The following RARB variants were observed in gnomAD, a reference collection of about 807,000 sequenced individuals.
RARB encodes the protein HBV-activated protein.
In RARB, 17 loss-of-function variants were observed where a neutral mutation model predicts 51.9. The ratio of observed to expected loss-of-function variants is 0.33; its 90% confidence interval spans 0.22 to 0.49. The LOEUF is 0.49. Among genes scored for constraint, RARB ranks in the 20% least tolerant of loss-of-function variants. The pLI is 0.99. For synonymous variants in RARB, 215 were observed against 195.4 expected (o/e 1.10, Z -0.84); for missense variants, 369 against 550.8 (o/e 0.67, Z 3.30).
chr3:25,471,511 C>CT (rs535985916), intron 2 of RARB, among the ~76,000 whole-genome samples: 5,681 of 123,980 alleles, frequency 0.046, 128 homozygotes, highest in Middle Eastern at 0.066. Flanking sequence ...AAAAATCTGT[C>CT]TTTTTTTTTT....
chr3:24,962,195 C>A (rs1464491033), intron 2 of RARB, among the ~76,000 whole-genome samples: 4 of 152,050 alleles, frequency 2.6e-5, no homozygotes. Context: ...TCCTAAATTG[C>A]TGGGATTACA....
chr3:25,481,854 G>C (rs1047214256), intron 2 of RARB, among the ~76,000 whole-genome samples: 3 of 152,068 alleles, frequency 2.0e-5, no homozygotes, highest in Admixed American at 6.5e-5. Flanking sequence ...AATATTTTTT[G>C]ACTGCTTATG....
At chr3:25,054,696 G>A (rs1243736092) in intron 2 of RARB, among the ~76,000 whole-genome samples, 1 of 152,030 alleles carries the variant, frequency 6.6e-6, no homozygotes, top group Non-Finnish European at 1.5e-5. Flanking sequence ...AAAAGAGCTG[G>A]AAAATGGAGC....
chr3:25,277,221 C>T lies in RARB; in HGVS notation c.178+102646C>T, dbSNP rs375472142. 5.9e-5 allele frequency among the ~76,000 whole-genome samples: 9 copies of T among 152,196 alleles called. No homozygotes were observed. The East Asian group carries it at 1.4e-3, about 23-fold the overall frequency. On this transcript the variant is annotated intron_variant, in intron 5 of 11. Coordinates refer to the RARB transcript ENST00000383772. ...AGGTGTCAAATAATTGGTAGATTTG[C>T]GTTGTGGAGGCCAATATAGGGGGAG...
chr3:25,210,123 A>G (rs1328376432), intron 5 of RARB, among the ~76,000 whole-genome samples: 4 of 152,142 alleles, frequency 2.6e-5, no homozygotes, highest in African/African-American at 7.2e-5. Flanking sequence ...CAGATTATCA[A>G]TTTAAGACAG....
chr3:25,430,584 G>A (rs1328731558), intron 1 of RARB, among the ~76,000 whole-genome samples: 6 of 152,154 alleles, frequency 3.9e-5, no homozygotes, highest in East Asian at 3.8e-4. Context: ...AGAGTAGGGG[G>A]AAAAGCTTTG....
At chr3:25,062,704 G>A (rs1021062219) in intron 3 of RARB, among the ~76,000 whole-genome samples, 5 of 151,884 alleles carry the variant, frequency 3.3e-5, no homozygotes, top group African/African-American at 7.2e-5. Context: ...AGAAATGTCC[G>A]GAATGTGCAA....
chr3:25,134,645 C>A (rs1351585121), intron 4 of RARB, among the ~76,000 whole-genome samples: 1 of 151,928 alleles, frequency 6.6e-6, no homozygotes, highest in Non-Finnish European at 1.5e-5. Flanking sequence ...AAACTTGATT[C>A]TCCATTCTTC....
At chr3:25,299,162 T>G (rs1251978068) in intron 5 of RARB, among the ~76,000 whole-genome samples, 2 of 152,168 alleles carry the variant, frequency 1.3e-5, no homozygotes, top group Non-Finnish European at 2.9e-5. Context: ...TAGTGAGTAT[T>G]TACTGGAGAA....
At chr3:25,334,448 A>T (rs938198633) in intron 5 of RARB, among the ~76,000 whole-genome samples, 1 of 152,178 alleles carries the variant, frequency 6.6e-6, no homozygotes, top group Admixed American at 6.5e-5. Context: ...CAAACACCGC[A>T]TGTTCTCACT....
At chr3:25,116,667 T>C (rs1370481156) in intron 3 of RARB, among the ~76,000 whole-genome samples, 4 of 152,014 alleles carry the variant, frequency 2.6e-5, no homozygotes, top group South Asian at 2.1e-4. Context: ...GAAGCTACCA[T>C]TGACTTTGGT....
rs532792672 is a variant in RARB at position 25,273,495 on chromosome 3, T to C, written c.178+98920T>C. On this transcript the variant is annotated intron_variant, in intron 5 of 11. Coordinates refer to the RARB transcript ENST00000383772. Reference sequence around the variant, plus strand: ...TGGCTTTCTTAGAGGCTGCCTAATATGTCTCCAAATGGGCCCATACTTCAA... The same window carrying C: ...TGGCTTTCTTAGAGGCTGCCTAATACGTCTCCAAATGGGCCCATACTTCAA... 2.6e-5 allele frequency among the ~76,000 whole-genome samples: 4 copies of C among 152,302 alleles called. No individual in the cohort carries two copies. The South Asian group carries it at 8.3e-4, about 32-fold the overall frequency.
At chr3:24,924,433 G>A (rs1356804577) in intron 2 of RARB, among the ~76,000 whole-genome samples, 1 of 152,128 alleles carries the variant, frequency 6.6e-6, no homozygotes. Flanking sequence ...TTATATCTGT[G>A]CTCCTCAGTA....
At chr3:25,552,275 C>T (rs537368967) in intron 3 of RARB, among the ~76,000 whole-genome samples, 54 of 152,258 alleles carry the variant, frequency 3.5e-4, no homozygotes, top group Middle Eastern at 3.4e-3. Flanking sequence ...GGAAAGTCAG[C>T]CTGGTGAAAT....
intron 3 of RARB, among the ~76,000 whole-genome samples, chr3:25,115,740 C>T (rs1007936904): frequency 6.6e-6 from 1 of 151,780 alleles, no homozygotes; most frequent in South Asian, 2.1e-4. Context: ...TGGCTCATTG[C>T]AGCCTCAAGC....
At chr3:24,830,730 G>A (rs1338922521) in intron 1 of RARB, among the ~76,000 whole-genome samples, 1 of 151,896 alleles carries the variant, frequency 6.6e-6, no homozygotes, top group Non-Finnish European at 1.5e-5. Context: ...TGCCAGTTAT[G>A]GAGGGACCAC....
At chr3:25,469,690 C>T (rs964657882) in intron 2 of RARB, among the ~76,000 whole-genome samples, 3 of 152,190 alleles carry the variant, frequency 2.0e-5, no homozygotes, top group African/African-American at 7.2e-5. Flanking sequence ...CATGAGACAG[C>T]TCCAGGATAT....
At chr3:25,367,172 C>T (rs575598958) in intron 5 of RARB, among the ~76,000 whole-genome samples, 11 of 152,318 alleles carry the variant, frequency 7.2e-5, no homozygotes, top group Non-Finnish European at 1.3e-4. Flanking sequence ...AAAAGACAGA[C>T]ATGCTTATCA....
intron 2 of RARB, among the ~76,000 whole-genome samples, chr3:24,935,163 A>C (rs1477445735): frequency 6.6e-6 from 1 of 152,134 alleles, no homozygotes; most frequent in East Asian, 1.9e-4. Flanking sequence ...TTAATCCATA[A>C]GGCACTTTCA....
Sources: gnomAD v4.1 joint callset for allele counts (sites outside exome capture counted in the v4.1 genomes callset) on GRCh38, gnomAD v4.1.1 for gene constraint, MANE v1.5 for transcripts, NCBI Gene and HGNC (gene_info 2026-07-23, HGNC 2026-07-21) for gene names.